MANBAL: variants seen among roughly 807,000 people sequenced by gnomAD.
MANBAL encodes the protein protein MANBAL.
MANBAL carries 1 observed loss-of-function variant against 6.4 expected under a neutral mutation model. The observed-to-expected ratio is 0.16, with a 90% confidence interval of 0.06 to 0.74. The LOEUF is 0.74. Among genes scored for constraint, MANBAL ranks in the 30% least tolerant of loss-of-function variants. MANBAL has a pLI of 0.78. For missense variants in MANBAL, 100 were observed against 107.8 expected, an observed-to-expected ratio of 0.93 and a Z score of 0.32; for synonymous variants, 47 against 45.8, an observed-to-expected ratio of 1.03 and a Z score of -0.10.
intron 2 of MANBAL, among the ~76,000 whole-genome samples, chr20:37,306,910 C>A (rs1456122391): frequency 5.9e-5 from 9 of 152,182 alleles, no homozygotes; most frequent in Non-Finnish European, 1.3e-4. Context: ...AAGGCCTAGA[C>A]CACACCCAGA....
At chr20:37,296,314 ATT>A (rs2068995946) in intron 1 of MANBAL, among the ~76,000 whole-genome samples, 2 of 152,286 alleles carry the variant, frequency 1.3e-5, no homozygotes, top group South Asian at 4.1e-4. Flanking sequence ...TAGATACTTT[ATT>A]GTTTCATAAC....
chr20:37,301,133 C>T, intron 1 of MANBAL, 75 bp from the exon 2 acceptor site: 1 of 915,906 alleles, frequency 1.1e-6, no homozygotes, highest in Non-Finnish European at 1.4e-6. Context: ...GAGACTCCAT[C>T]TCATAAATAA....
chr20:37,310,296 C>T (rs1054878286), intron 2 of MANBAL, among the ~76,000 whole-genome samples: 9 of 152,234 alleles, frequency 5.9e-5, no homozygotes, highest in Non-Finnish European at 1.2e-4. Context: ...TCTGCGAGGC[C>T]TTCTCAGCTC....
At chr20:37,302,203 C>A in intron 2 of MANBAL, 1 of 1,543,268 alleles carries the variant, frequency 6.5e-7, no homozygotes, top group Non-Finnish European at 8.8e-7. Context: ...GGGATACCTA[C>A]ATCCCAGGAA....
chr20:37,314,068 G>A (rs1246287849), intron 2 of MANBAL, among the ~76,000 whole-genome samples: 2 of 152,216 alleles, frequency 1.3e-5, no homozygotes, highest in African/African-American at 2.4e-5. Context: ...TTTCGTGGGT[G>A]CATGAGGAAT....
intron 1 of MANBAL, among the ~76,000 whole-genome samples, chr20:37,297,937 G>A (rs549494207): frequency 2.6e-5 from 4 of 152,242 alleles, no homozygotes; most frequent in African/African-American, 4.8e-5. Flanking sequence ...GAGCCACTGC[G>A]CCCTGTGAGG....
intron 1 of MANBAL, 39 bp from the exon 2 acceptor site, chr20:37,301,169 A>T (rs940056962): frequency 1.9e-6 from 2 of 1,051,826 alleles, no homozygotes; most frequent in African/African-American, 3.4e-5. Context: ...AATAAATGTC[A>T]GTTACAGAAA....
At chr20:37,299,796 G>A (rs1272594414) in intron 1 of MANBAL, among the ~76,000 whole-genome samples, 3 of 152,234 alleles carry the variant, frequency 2.0e-5, no homozygotes, top group Non-Finnish European at 4.4e-5. Flanking sequence ...TTGTCAAGCA[G>A]TCACAGTGGG....
chr20:37,307,438 C>T (rs930310910), intron 2 of MANBAL, among the ~76,000 whole-genome samples: 6 of 152,036 alleles, frequency 3.9e-5, no homozygotes, highest in Admixed American at 6.6e-5. Flanking sequence ...AAAGGAAAGG[C>T]GAGCAAGAAG....
intron 2 of MANBAL, among the ~76,000 whole-genome samples, chr20:37,308,535 G>T (rs1235479374): frequency 6.6e-6 from 1 of 152,210 alleles, no homozygotes; most frequent in Non-Finnish European, 1.5e-5. Flanking sequence ...TTCTAGGGAA[G>T]TCCTGGGATA....
At chr20:37,302,219 T>C in intron 2 of MANBAL, 1 of 1,550,156 alleles carries the variant, frequency 6.5e-7, no homozygotes. Flanking sequence ...AGGAATTGGC[T>C]ATTGCTTCTC....
chr20:37,302,198 A>G, intron 2 of MANBAL: 1 of 1,538,012 alleles, frequency 6.5e-7, no homozygotes, highest in Non-Finnish European at 8.8e-7. Context: ...CATGTGGGAT[A>G]CCTACATCCC....
At chr20:37,314,818 A>G (rs1232791839) in intron 2 of MANBAL, among the ~76,000 whole-genome samples, 1 of 152,176 alleles carries the variant, frequency 6.6e-6, no homozygotes, top group Admixed American at 6.5e-5. Context: ...TCTGGATCAG[A>G]TCCGAGGCAG....
chr20:37,301,516 G>A lies in MANBAL; in HGVS notation c.150+103G>A, dbSNP rs997420200. On this transcript the variant is annotated intron_variant, in intron 2 of 2. Coordinates refer to ENST00000373606, the MANE Select transcript of MANBAL (RefSeq NM_001003897.2). ...ACTGAGATCAGCAGGGTCTACATTG[G>A]GCCTTTTTGATTTAGTGTGCCTCTG... is the stretch of plus-strand genomic sequence containing the variant. 1.2e-5 allele frequency: 15 copies of A among 1,291,404 alleles called. No individual in the cohort carries two copies. In the African/African-American group the frequency reaches 1.9e-4, roughly 17 times the overall value. The allele number at this position is 1,291,404 out of a possible 1,614,324, so 80.0% of individuals were successfully genotyped here.
rs11906219 is a variant in MANBAL at position 37,294,593 on chromosome 20, C to T, written c.-57+4907C>T. ...CCTGCCTCAGGGACTTGGCCCTTGCCGTCCCTCCATCCTGGGATACTCTGG... is the reference window on the plus strand; with the variant it reads ...CCTGCCTCAGGGACTTGGCCCTTGCTGTCCCTCCATCCTGGGATACTCTGG... On this transcript the variant is annotated intron_variant, in intron 1 of 2. Transcript: ENST00000373606. 3.9e-4 allele frequency among the ~76,000 whole-genome samples: 60 copies of T among 152,342 alleles called. 1 individual carries two copies. Among genetic ancestry groups the T allele is most frequent in the African/African-American group, 1.4e-3 (59 of 41,566 alleles).
At chr20:37,295,202 CAG>C (rs1215999926) in intron 1 of MANBAL, among the ~76,000 whole-genome samples, 2 of 152,128 alleles carry the variant, frequency 1.3e-5, no homozygotes, top group Non-Finnish European at 2.9e-5. Flanking sequence ...AGGTGGGAAA[CAG>C]AGGCATAGGC....
chr20:37,290,374 T>A (rs1178247518), intron 1 of MANBAL, among the ~76,000 whole-genome samples: 1 of 152,194 alleles, frequency 6.6e-6, no homozygotes, highest in African/African-American at 2.4e-5. Context: ...TTCTTAGGAA[T>A]TTGTTTTAAT....
intron 1 of MANBAL, among the ~76,000 whole-genome samples, chr20:37,295,146 C>G (rs556882177): frequency 6.6e-6 from 1 of 152,226 alleles, no homozygotes; most frequent in Admixed American, 6.5e-5. Flanking sequence ...TCCTCCTTGT[C>G]GTTAAATGAT....
intron 1 of MANBAL, chr20:37,298,869 T>C (rs1200995738): frequency 3.3e-5 from 5 of 152,122 alleles, no homozygotes; most frequent in African/African-American, 1.2e-4. Flanking sequence ...TCTGAGTAGC[T>C]GGGACTACAG....
Sources: gnomAD v4.1 joint callset for allele counts (sites outside exome capture counted in the v4.1 genomes callset) on GRCh38, gnomAD v4.1.1 for gene constraint, MANE v1.5 for transcripts, NCBI Gene and HGNC (gene_info 2026-07-23, HGNC 2026-07-21) for gene names.